Variants in TMCC1 observed in about 807,000 individuals in gnomAD.
TMCC1 encodes the protein transmembrane and coiled-coil domains protein 1.
A neutral mutation model predicts 52.4 loss-of-function variants in TMCC1; 15 were observed. The ratio of observed to expected loss-of-function variants is 0.29; its 90% CI spans 0.19 to 0.44. The LOEUF (loss-of-function observed/expected upper bound fraction) is 0.44. Among genes scored for constraint, TMCC1 ranks in the 20% least tolerant of loss-of-function variants. The pLI is 1.00. For missense variants in TMCC1, 503 were observed against 806.0 expected, an observed-to-expected ratio of 0.62 and a Z score of 4.55; for synonymous variants, 279 against 301.9, an observed-to-expected ratio of 0.92 and a Z score of 0.79.
Position 129,655,037 on chromosome 3 carries a change from C to T in TMCC1, c.1578G>A (p.Leu526=). ...TELHQNEILN[L]KQELASMEEK... ...CTTCCATGCTTGCCAGTTCCTGCTTCAAGTTCAAGATTTCATTCTGGTGGA... is the reference window on the plus strand; with the variant it reads ...CTTCCATGCTTGCCAGTTCCTGCTTTAAGTTCAAGATTTCATTCTGGTGGA... Residue 526 remains leucine (L), a synonymous_variant, in exon 6 of 7, where the codon TTG becomes TTA. Coordinates refer to ENST00000393238, the MANE Select transcript of TMCC1 (RefSeq NM_001017395.5). 6.2e-7 allele frequency: 1 copy of T among 1,614,134 alleles called. No homozygotes were observed. Among genetic ancestry groups the T allele is most frequent in the Non-Finnish European group, 8.5e-7 (1 of 1,180,022 alleles).
At chr3:129,875,490 CAAAAAAAAAAAAA>C (rs370431347) in intron 2 of TMCC1, among the ~76,000 whole-genome samples, 5 of 17,324 alleles carry the variant, frequency 2.9e-4, no homozygotes, top group Admixed American at 7.1e-4. Flanking sequence ...GACTCCATCT[CAAAAAAAAAAAAA>C]AAAAAAAAAA....
chr3:129,692,316 G>A lies in TMCC1; in HGVS notation c.577-21052C>T, dbSNP rs116180786. ...CTTTTTATATCAATAGCAATTATGT[G>A]TCAGCTTAAATATCTCCAGGATCTT... On this transcript the variant is annotated intron_variant, in intron 4 of 6. Coordinates refer to ENST00000393238, the MANE Select transcript of TMCC1 (RefSeq NM_001017395.5). Among the ~76,000 whole-genome samples the A allele has an allele frequency of 2.4e-3, 367 of 152,284 alleles. 3 individuals are homozygous for A. The highest frequency in any genetic ancestry group is 8.1e-3 in the African/African-American group (338 of 41,564).
intron 4 of TMCC1, among the ~76,000 whole-genome samples, chr3:129,811,947 T>A (rs1209851988): frequency 9.3e-5 from 13 of 140,356 alleles, no homozygotes; most frequent in East Asian, 9.1e-4. Context: ...CTGCCTCAAT[T>A]TAAAAAAAAA....
At chr3:129,805,198 T>G (rs1041288639) in intron 4 of TMCC1, among the ~76,000 whole-genome samples, 24 of 152,172 alleles carry the variant, frequency 1.6e-4, no homozygotes, top group African/African-American at 5.6e-4. Context: ...GGTGTTGCTC[T>G]GTCACCCAGG....
At chr3:129,780,486 G>C (rs1367670736) in intron 4 of TMCC1, among the ~76,000 whole-genome samples, 1 of 151,766 alleles carries the variant, frequency 6.6e-6, no homozygotes, top group African/African-American at 2.4e-5. Context: ...TTACCTCTAA[G>C]TTAATATCAC....
chr3:129,650,573 C>A lies in TMCC1; in HGVS notation c.*908G>T, dbSNP rs532967130. The A allele has an allele frequency of 6.6e-6, 1 of 152,528 alleles. No individual in the cohort carries two copies. The highest frequency in any genetic ancestry group is 2.4e-5 in the African/African-American group (1 of 41,404). The allele number at this position is 152,528 out of a possible 1,614,324, so 9.4% of individuals were successfully genotyped here. ...ATTTCTTCATTTAAAAACATCACTT[C>A]TTTATTTCAAAGGAAAAATAAAAGA... On this transcript the variant is annotated 3_prime_UTR_variant, in exon 7 of 7. Coordinates refer to ENST00000393238, the MANE Select transcript of TMCC1 (RefSeq NM_001017395.5).
chr3:129,762,299 C>G (rs1378474021), intron 4 of TMCC1, among the ~76,000 whole-genome samples: 4 of 152,076 alleles, frequency 2.6e-5, no homozygotes, highest in Non-Finnish European at 5.9e-5. Flanking sequence ...CTCGGTTTCC[C>G]AAAGTGCTGG....
intron 4 of TMCC1, among the ~76,000 whole-genome samples, chr3:129,796,266 A>G (rs2056814918): frequency 6.6e-6 from 1 of 152,214 alleles, no homozygotes; most frequent in Admixed American, 6.5e-5. Flanking sequence ...GCTATACCAT[A>G]TAGCCGAGGT....
At chr3:129,806,549 G>C (rs531167773) in intron 4 of TMCC1, among the ~76,000 whole-genome samples, 3 of 152,214 alleles carry the variant, frequency 2.0e-5, no homozygotes, top group African/African-American at 7.2e-5. Flanking sequence ...GTCCTCACAG[G>C]GTTTCCCATA....
intron 4 of TMCC1, among the ~76,000 whole-genome samples, chr3:129,810,454 C>CTA (rs1576938318): frequency 6.6e-6 from 1 of 152,204 alleles, no homozygotes; most frequent in East Asian, 1.9e-4. Flanking sequence ...TCCTCCTGAA[C>CTA]TATAATCGGA....
intron 4 of TMCC1, among the ~76,000 whole-genome samples, chr3:129,808,949 T>C (rs2057638596): frequency 6.7e-6 from 1 of 148,848 alleles, no homozygotes; most frequent in African/African-American, 2.5e-5. Context: ...CAAAGAAACT[T>C]GTTTCTGAGA....
intron 4 of TMCC1, among the ~76,000 whole-genome samples, chr3:129,823,747 T>G (rs1260130853): frequency 6.6e-6 from 1 of 152,338 alleles, no homozygotes; most frequent in Admixed American, 6.5e-5. Context: ...AGACCTTATA[T>G]TAGCGTTCTG....
chr3:129,755,229 A>T (rs1463976310), intron 4 of TMCC1, among the ~76,000 whole-genome samples: 1 of 152,156 alleles, frequency 6.6e-6, no homozygotes, highest in Non-Finnish European at 1.5e-5. Context: ...GGGTTGAAAA[A>T]GTAATTATTG....
chr3:129,670,401 A>G lies in TMCC1; in HGVS notation c.1440T>C (p.Phe480=), dbSNP rs2087825451. The G allele has an allele frequency of 9.9e-6, 16 of 1,614,184 alleles. No individual in the cohort carries two copies. The East Asian group carries it at 3.3e-4, about 34-fold the overall frequency. Residue 480 remains phenylalanine (F), a synonymous_variant, in exon 5 of 7, where the codon TTT becomes TTC. Coordinates refer to ENST00000393238, the MANE Select transcript of TMCC1 (RefSeq NM_001017395.5). The part of the protein sequence containing the change: ...RETQARLEES[F]ETLKEHYQRD... ...TCTGATAATGTTCCTTGAGAGTCTC[A>G]AAGGATTCCTCTAGTCTGGCCTGGG... is the stretch of plus-strand genomic sequence containing the variant.
At chr3:129,875,901 A>C (rs1272066158) in intron 2 of TMCC1, among the ~76,000 whole-genome samples, 1 of 152,242 alleles carries the variant, frequency 6.6e-6, no homozygotes, top group Non-Finnish European at 1.5e-5. Context: ...TGGGAGGCCA[A>C]GGCGGGCGGA....
intron 4 of TMCC1, among the ~76,000 whole-genome samples, chr3:129,685,360 C>A (rs1335828286): frequency 6.7e-6 from 1 of 148,820 alleles, no homozygotes. Flanking sequence ...GCCTGCGCAA[C>A]AGAGTGAGAC....
At chr3:129,713,346 C>T (rs1457465559) in intron 4 of TMCC1, among the ~76,000 whole-genome samples, 1 of 152,064 alleles carries the variant, frequency 6.6e-6, no homozygotes, top group Admixed American at 6.6e-5. Flanking sequence ...CCACCTCTTG[C>T]ACTAGAGAAA....
chr3:129,773,295 T>G (rs950007193), intron 4 of TMCC1, among the ~76,000 whole-genome samples: 2 of 152,160 alleles, frequency 1.3e-5, no homozygotes, highest in Non-Finnish European at 2.9e-5. Flanking sequence ...TCTTCAAAAA[T>G]TCTTGCACAT....
chr3:129,713,526 T>G (rs992020970), intron 4 of TMCC1, among the ~76,000 whole-genome samples: 1 of 152,144 alleles, frequency 6.6e-6, no homozygotes, highest in African/African-American at 2.4e-5. Flanking sequence ...CCTCTGCTGC[T>G]CTCTCAAATT....
Sources: allele counts gnomAD v4.1 joint callset (sites outside exome capture counted in the v4.1 genomes callset), GRCh38; gene constraint gnomAD v4.1.1; transcripts MANE v1.5; gene names NCBI Gene and HGNC (gene_info 2026-07-23, HGNC 2026-07-21).